Variants in CTNNA2 observed in about 807,000 individuals in gnomAD.
CTNNA2 encodes the protein catenin alpha 2, also known as catenin alpha-2.
In CTNNA2, 42 loss-of-function variants were observed where a neutral mutation model predicts 101.0. The ratio of observed to expected loss-of-function variants is 0.42; its 90% CI spans 0.32 to 0.54. The LOEUF is 0.54. Among genes scored for constraint, CTNNA2 ranks in the 20% least tolerant of loss-of-function variants. CTNNA2 has a pLI of 0.14. For synonymous variants in CTNNA2, 450 were observed against 456.4 expected (o/e 0.99, Z 0.18); for missense variants, 871 against 1,223.1 (o/e 0.71, Z 4.29).
At chr2:80,507,079 CAA>C (rs1688333896) in intron 9 of CTNNA2, among the ~76,000 whole-genome samples, 1 of 152,106 alleles carries the variant, frequency 6.6e-6, no homozygotes, top group Non-Finnish European at 1.5e-5. Context: ...AGACAAACTC[CAA>C]GAGTTGGAAT....
chr2:80,035,684 TAAAA>T (rs1031257880), intron 7 of CTNNA2, among the ~76,000 whole-genome samples: 2 of 151,488 alleles, frequency 1.3e-5, no homozygotes, highest in Non-Finnish European at 1.5e-5. Flanking sequence ...CTTTAAAAAA[TAAAA>T]AAAAGAAGGA....
intron 1 of CTNNA2, among the ~76,000 whole-genome samples, chr2:79,518,929 C>T (rs1671951055): frequency 6.6e-6 from 1 of 151,780 alleles, no homozygotes; most frequent in African/African-American, 2.4e-5. Context: ...GTATACAAGA[C>T]TCAAATTTCC....
intron 6 of CTNNA2, among the ~76,000 whole-genome samples, chr2:79,904,712 A>G (rs918514977): frequency 6.6e-6 from 1 of 152,182 alleles, no homozygotes. Flanking sequence ...ACCATTTGTA[A>G]TACATCCAAA....
intron 18 of CTNNA2, among the ~76,000 whole-genome samples, chr2:80,630,926 C>A (rs773600423): frequency 6.6e-6 from 1 of 152,040 alleles, no homozygotes; most frequent in Non-Finnish European, 1.5e-5. Context: ...GCTTAGCATT[C>A]GTTTTTTAAA....
chr2:79,788,352 T>G (rs139060334), intron 3 of CTNNA2, among the ~76,000 whole-genome samples: 1 of 152,124 alleles, frequency 6.6e-6, no homozygotes, highest in Non-Finnish European at 1.5e-5. Flanking sequence ...CTGTGTGGAC[T>G]TGGAAGTGTT....
intron 4 of CTNNA2, among the ~76,000 whole-genome samples, chr2:79,864,293 A>G (rs1456865398): frequency 6.6e-6 from 1 of 152,210 alleles, no homozygotes; most frequent in East Asian, 1.9e-4. Context: ...AGGAAAGAAC[A>G]AAGGCATGAG....
chr2:79,874,065 T>G lies in CTNNA2; in HGVS notation c.586-11T>G. 1 of 1,613,702 alleles carries G rather than the reference T, an allele frequency of 6.2e-7. No homozygotes were observed. Among genetic ancestry groups the G allele is most frequent in the Non-Finnish European group, 8.5e-7 (1 of 1,179,800 alleles). On this transcript the variant is annotated splice_polypyrimidine_tract_variant and intron_variant, in intron 5 of 18. Transcript: ENST00000402739. ...CATGTGTGTGACAGCTTTCATGTGT[T>G]ACACACACAGGAGCTGAAGGATCCT...
At chr2:79,934,600 A>G (rs1171563951) in intron 7 of CTNNA2, among the ~76,000 whole-genome samples, 1 of 152,202 alleles carries the variant, frequency 6.6e-6, no homozygotes, top group African/African-American at 2.4e-5. Context: ...GAAGTCTTTG[A>G]GCATCCCAAG....
intron 4 of CTNNA2, among the ~76,000 whole-genome samples, chr2:79,485,796 T>C (rs1365942988): frequency 6.6e-6 from 1 of 152,206 alleles, no homozygotes; most frequent in African/African-American, 2.4e-5. Context: ...CATAGATCTC[T>C]TTTCAGGTTT....
At chr2:79,708,524 A>G (rs1050125098) in intron 2 of CTNNA2, among the ~76,000 whole-genome samples, 3 of 152,190 alleles carry the variant, frequency 2.0e-5, no homozygotes, top group Admixed American at 1.3e-4. Context: ...TCATAAATAA[A>G]CATTCAAAAT....
intron 15 of CTNNA2, 104 bp downstream of exon 15, chr2:80,589,589 C>T (rs1029049604): frequency 8.6e-5 from 91 of 1,054,728 alleles, no homozygotes; most frequent in African/African-American, 8.0e-4. Context: ...AATATACCAA[C>T]GCAAGGTGGT....
At chr2:79,531,954 A>G (rs1317186007) in intron 1 of CTNNA2, among the ~76,000 whole-genome samples, 1 of 152,150 alleles carries the variant, frequency 6.6e-6, no homozygotes, top group African/African-American at 2.4e-5. Flanking sequence ...TTCTGGGATT[A>G]CAGGCATGAG....
chr2:79,731,343 T>C (rs556782524), intron 2 of CTNNA2, among the ~76,000 whole-genome samples: 1 of 152,092 alleles, frequency 6.6e-6, no homozygotes, highest in African/African-American at 2.4e-5. Context: ...CCCTGTACTC[T>C]CGAGTCATCT....
At chr2:79,217,931 G>A (rs1020675705) in intron 2 of CTNNA2, among the ~76,000 whole-genome samples, 3 of 152,184 alleles carry the variant, frequency 2.0e-5, no homozygotes. Flanking sequence ...AGCAGGTACG[G>A]AGCACATGCT....
At chr2:80,328,067 G>GAAC (rs1228092893) in intron 7 of CTNNA2, among the ~76,000 whole-genome samples, 14 of 152,208 alleles carry the variant, frequency 9.2e-5, no homozygotes, top group African/African-American at 3.4e-4. Context: ...AATGAGAAGT[G>GAAC]AACAGTTGAT....
intron 3 of CTNNA2, among the ~76,000 whole-genome samples, chr2:79,855,626 G>C (rs533094832): frequency 6.6e-6 from 1 of 152,098 alleles, no homozygotes; most frequent in Admixed American, 6.6e-5. Flanking sequence ...TCTCCTCCTG[G>C]GGATCTCTGT....
chr2:80,532,043 C>T (rs1180588610), intron 9 of CTNNA2, among the ~76,000 whole-genome samples: 4 of 152,058 alleles, frequency 2.6e-5, no homozygotes, highest in Admixed American at 2.0e-4. Context: ...AAGATGTGTT[C>T]CAATATGACT....
At chr2:79,607,758 G>A (rs558922281) in intron 1 of CTNNA2, among the ~76,000 whole-genome samples, 113 of 152,190 alleles carry the variant, frequency 7.4e-4, no homozygotes, top group Middle Eastern at 3.4e-3. Context: ...TTTCTGGGAT[G>A]CTTCTGAAAT....
intron 3 of CTNNA2, among the ~76,000 whole-genome samples, chr2:79,372,646 C>A (rs1267732198): frequency 1.3e-5 from 2 of 152,130 alleles, no homozygotes; most frequent in Non-Finnish European, 2.9e-5. Flanking sequence ...GGAGAAGCAA[C>A]ACAAAGGGCT....
Sources: gnomAD v4.1 joint callset for allele counts (sites outside exome capture counted in the v4.1 genomes callset) on GRCh38, gnomAD v4.1.1 for gene constraint, MANE v1.5 for transcripts, NCBI Gene and HGNC (gene_info 2026-07-23, HGNC 2026-07-21) for gene names.